OGDHL: variants seen among roughly 807,000 people sequenced by gnomAD.
OGDHL encodes oxoglutarate dehydrogenase L.
A neutral mutation model predicts 109.6 loss-of-function variants in OGDHL; 79 were observed. The ratio of observed to expected loss-of-function variants is 0.72; its 90% CI spans 0.60 to 0.87. The LOEUF (loss-of-function observed/expected upper bound fraction) is 0.87. OGDHL is among the 40% of genes least tolerant of loss of function. The pLI is 0.00. For missense variants in OGDHL, 1,275 were observed against 1,362.2 expected (o/e 0.94, Z 1.01); for synonymous variants, 528 against 537.2 (o/e 0.98, Z 0.24).
chr10:49,744,731 G>A lies in OGDHL; in HGVS notation c.1651C>T (p.Arg551Trp). The A allele has an allele frequency of 3.1e-6, 5 of 1,614,104 alleles. No individual in the cohort carries two copies. The highest frequency in any genetic ancestry group is 3.4e-6 in the Non-Finnish European group (4 of 1,179,980). ...CTGCCATAAGCCTCCTCACAGATCC[G>A]GTCGTATTTGGCAATTTCTTCCTGG... is the stretch of plus-strand genomic sequence containing the variant. ...EFEEEIAKYD[R>W]ICEEAYGRSK... Residue 551 changes from arginine (R) to tryptophan (W), a missense_variant, in exon 13 of 23, where the codon CGG (arginine) becomes TGG (tryptophan). Arg to Trp is a moderately radical substitution (Grantham distance 101, BLOSUM62 -3). Coordinates refer to ENST00000374103, the MANE Select transcript of OGDHL (RefSeq NM_018245.3).
In OGDHL at chr10:49,750,831, G is replaced by A. The variant is rs1469374232; in HGVS notation, c.896+8C>T. On this transcript the variant is annotated splice_region_variant and intron_variant, in intron 7 of 22. Coordinates refer to ENST00000374103, the MANE Select transcript of OGDHL (RefSeq NM_018245.3). ...AATGCGCAAGGCACAGCAGGGAGGG[G>A]GACCCACCTGTGTGGCATCCCCAAG... The A allele has an allele frequency of 1.2e-6, 2 of 1,606,340 alleles. No individual in the cohort carries two copies. Among genetic ancestry groups the A allele is most frequent in the East Asian group, 4.5e-5 (2 of 44,712 alleles).
intron 11 of OGDHL, 77 bp from the exon 12 acceptor site, chr10:49,745,573 A>ATTTCC: frequency 6.3e-7 from 1 of 1,577,228 alleles, no homozygotes; most frequent in Non-Finnish European, 8.6e-7. Context: ...ATTGGGGAAT[A>ATTTCC]TCTGGGTAGG....
At position 49,745,966 on chromosome 10, in the gene OGDHL, G is replaced by A. The variant is rs549307555; in HGVS notation, c.1308C>T (p.Thr436=). 1 of 1,613,986 alleles carries A rather than the reference G, an allele frequency of 6.2e-7. No homozygotes were observed. Among genetic ancestry groups the A allele is most frequent in the African/African-American group, 1.3e-5 (1 of 75,020 alleles). The change falls in exon 11 of 23, where the codon ACC becomes ACT. Residue 436 remains threonine, a synonymous_variant. Coordinates refer to ENST00000374103, the MANE Select transcript of OGDHL (RefSeq NM_018245.3). ...HVVVNNQIGF[T]TDPRMARSSP... ...AGGAGCGGGCCATTCGGGGGTCTGT[G>A]GTGAATCCAATCTGCAGAGGCAGGA... is the stretch of plus-strand genomic sequence containing the variant.
At chr10:49,740,956 T>G in intron 15 of OGDHL, 119 bp from the exon 16 acceptor site, 1 of 1,301,358 alleles carries the variant, frequency 7.7e-7, no homozygotes, top group Non-Finnish European at 1.1e-6. Flanking sequence ...CCAGGAAACC[T>G]GCAGGGTCCC....
intron 13 of OGDHL, 31 bp from the exon 14 acceptor site, chr10:49,744,153 TGTCA>T: frequency 6.2e-7 from 1 of 1,610,098 alleles, no homozygotes; most frequent in Non-Finnish European, 8.5e-7. Context: ...GTCCACACTG[TGTCA>T]GTGGTGGGTT....
intron 10 of OGDHL, 41 bp downstream of exon 10, chr10:49,746,709 T>A (rs1842208143): frequency 6.2e-7 from 1 of 1,606,294 alleles, no homozygotes. Flanking sequence ...TTTCCAGGGA[T>A]GCTGACGCTG....
At chr10:49,755,041 C>T (rs983929805) in intron 3 of OGDHL, among the ~76,000 whole-genome samples, 1 of 152,108 alleles carries the variant, frequency 6.6e-6, no homozygotes, top group Non-Finnish European at 1.5e-5. Context: ...GTCAGGAATT[C>T]AAGACCAGCC....
chr10:49,752,266 G>T lies in OGDHL; in HGVS notation c.479-18C>A, dbSNP rs1057350352. On this transcript the variant is annotated intron_variant, in intron 4 of 22. Coordinates refer to ENST00000374103, the MANE Select transcript of OGDHL (RefSeq NM_018245.3). ...ATAGAAGGCTGGAGAAGGAGGCGTG[G>T]CCGAGCCCCGGGCAGCAAAGTGGAG... is the stretch of plus-strand genomic sequence containing the variant. 10 of 1,597,978 alleles carry T rather than the reference G, an allele frequency of 6.3e-6. No individual in the cohort carries two copies. In the Admixed American group the frequency reaches 8.4e-5, roughly 13 times the overall value.
At chr10:49,750,432 C>T (rs577192007) in intron 7 of OGDHL, among the ~76,000 whole-genome samples, 1 of 152,352 alleles carries the variant, frequency 6.6e-6, no homozygotes, top group Admixed American at 6.5e-5. Context: ...ACCCTCGGCT[C>T]ACCTCCACAG....
At position 49,740,755 on chromosome 10, in the gene OGDHL, G is replaced by T; in HGVS notation, c.2095C>A (p.Pro699Thr). 6.2e-7 allele frequency: 1 copy of T among 1,613,924 alleles called. No homozygotes were observed. Among genetic ancestry groups the T allele is most frequent in the Non-Finnish European group, 8.5e-7 (1 of 1,179,836 alleles). The change falls in exon 16 of 23, where the codon CCG becomes ACG. Residue 699 changes from proline (P) to threonine (T), a missense_variant. By Grantham distance (38) the Pro-to-Thr change is conservative. Coordinates refer to ENST00000374103, the MANE Select transcript of OGDHL (RefSeq NM_018245.3). Reference sequence around the variant, plus strand: ...AGGGAGCTGTTGCACACGGTGTACGGGGCCTGGTCAGGCCAGAGATGATTC... The same window carrying T: ...AGGGAGCTGTTGCACACGGTGTACGTGGCCTGGTCAGGCCAGAGATGATTC... ...PMNHLWPDQAPYTVCNSSLSE... is the reference protein window; with the variant it reads ...PMNHLWPDQATYTVCNSSLSE...
intron 13 of OGDHL, 148 bp downstream of exon 13, chr10:49,744,502 C>G: frequency 3.1e-6 from 2 of 648,526 alleles, no homozygotes; most frequent in Non-Finnish European, 5.4e-6. Flanking sequence ...AGGAATCGGC[C>G]CCACGCAGCT....
In OGDHL at chr10:49,751,905, T is replaced by C. The variant is rs780052849; in HGVS notation, c.671A>G (p.Lys224Arg). Residue 224 changes from lysine (K) to arginine (R), a missense_variant, in exon 6 of 23, where the codon AAG (lysine) becomes AGG (arginine). Coordinates refer to ENST00000374103, the MANE Select transcript of OGDHL (RefSeq NM_018245.3). ...DVEQCQWIRQ[K>R]FETPGVMQFS... ...CTGCATCACACCAGGGGTCTCAAAC[T>C]TCTGCCGGATCCACTGGCACTGCTC... is the stretch of plus-strand genomic sequence containing the variant. 1 of 1,614,134 alleles carries C rather than the reference T, an allele frequency of 6.2e-7. No homozygotes were observed. The highest frequency in any genetic ancestry group is 1.1e-5 in the South Asian group (1 of 91,078).
Position 49,747,123 on chromosome 10 carries a change from A to T in OGDHL, c.1073T>A (p.Val358Asp), listed in dbSNP as rs769473494. 1.9e-6 allele frequency: 3 copies of T among 1,614,090 alleles called. No individual in the cohort carries two copies. The highest frequency in any genetic ancestry group is 2.5e-6 in the Non-Finnish European group (3 of 1,179,930). The change falls in exon 9 of 23, where the codon GTT becomes GAT. Residue 358 changes from valine (V) to aspartate (D), a missense_variant. Val to Asp is a radical substitution (Grantham distance 152). Coordinates refer to ENST00000374103, the MANE Select transcript of OGDHL (RefSeq NM_018245.3). ...TGCCTCCAGGTGGGAGGGGTTGGCAACCAGCGACAGAGTGATGTTCCGGTT... is the reference window on the plus strand; with the variant it reads ...TGCCTCCAGGTGGGAGGGGTTGGCATCCAGCGACAGAGTGATGTTCCGGTT... ...VTNRNITLSLVANPSHLEAVD... is the reference protein window; with the variant it reads ...VTNRNITLSLDANPSHLEAVD...
intron 3 of OGDHL, 94 bp from the exon 4 acceptor site, chr10:49,752,834 T>C: frequency 1.2e-6 from 1 of 852,746 alleles, no homozygotes; most frequent in Non-Finnish European, 1.9e-6. Flanking sequence ...TCTCTTCCCA[T>C]TCCCGAATGT....
chr10:49,735,488 G>A, intron 22 of OGDHL, 137 bp from the exon 23 acceptor site: 1 of 971,770 alleles, frequency 1.0e-6, no homozygotes, highest in South Asian at 1.7e-5. Flanking sequence ...TTTGGCCCTG[G>A]CACCACTTCC....
intron 1 of OGDHL, among the ~76,000 whole-genome samples, chr10:49,761,123 T>C (rs371001821): frequency 2.6e-5 from 4 of 151,868 alleles, no homozygotes; most frequent in Admixed American, 6.6e-5. Flanking sequence ...CCAGCCCTAC[T>C]AGTTCCTGCC....
At position 49,751,843 on chromosome 10, in the gene OGDHL, G is replaced by A; in HGVS notation, c.733C>T (p.Leu245=). 6.2e-7 allele frequency: 1 copy of A among 1,613,916 alleles called. No homozygotes were observed. The change falls in exon 6 of 23, where the codon CTA becomes TTA. Residue 245 remains leucine, a synonymous_variant. Transcript: ENST00000374103. ...SEEKRTLLAR[L]VRSMRFEDFL... ...GGTGCCAACCTCATGGAGCGCACTA[G>A]CCGGGCCAGCAGGGTCCGCTTCTCC...
In OGDHL at chr10:49,747,051, C is replaced by T. The variant is rs764922343; in HGVS notation, c.1145G>A (p.Arg382His). The part of the protein sequence containing the change: ...QGKTKAEQFY[R>H]GDAQGKKVMS... ...CACCTTCTTGCCCTGGGCATCTCCA[C>T]GGTAGAACTGCTCTGCCTTTGTCTT... The change falls in exon 9 of 23, where the codon CGT becomes CAT. Residue 382 changes from arginine (R) to histidine (H), a missense_variant. Physicochemically the swap from Arg to His is conservative, Grantham distance 29. Coordinates refer to ENST00000374103, the MANE Select transcript of OGDHL (RefSeq NM_018245.3). 25 of 1,614,068 alleles carry T rather than the reference C, an allele frequency of 1.5e-5. No individual in the cohort carries two copies. The highest frequency in any genetic ancestry group is 2.7e-5 in the African/African-American group (2 of 74,942).
At chr10:49,746,062 G>A (rs1049991798) in intron 10 of OGDHL, 85 bp from the exon 11 acceptor site, 13 of 1,439,604 alleles carry the variant, frequency 9.0e-6, no homozygotes, top group Admixed American at 2.0e-5. Flanking sequence ...TGAGCAGGGG[G>A]ATGCTCAAGG....
Sources: allele counts gnomAD v4.1 joint callset (sites outside exome capture counted in the v4.1 genomes callset), GRCh38; gene constraint gnomAD v4.1.1; transcripts MANE v1.5; gene names NCBI Gene and HGNC (gene_info 2026-07-23, HGNC 2026-07-21).